Variants in CAMSAP2 observed in about 807,000 individuals in gnomAD.
CAMSAP2 encodes the protein calmodulin-regulated spectrin-associated protein 2.
In CAMSAP2, 26 loss-of-function variants were observed where a neutral mutation model predicts 146.1. The observed-to-expected ratio is 0.18, with a 90% CI of 0.13 to 0.25. The LOEUF is 0.25. Ranked by LOEUF, CAMSAP2 falls within the 10% of genes least tolerant of loss-of-function variation. The pLI, the probability that CAMSAP2 is intolerant of heterozygous loss-of-function variation, is 1.00. For synonymous variants in CAMSAP2, 499 were observed against 596.6 expected, an observed-to-expected ratio of 0.84 and a Z score of 2.38; for missense variants, 1,381 against 1,759.3, an observed-to-expected ratio of 0.78 and a Z score of 3.85.
Position 200,832,823 on chromosome 1 carries a change from T to A in CAMSAP2, c.905T>A (p.Leu302His). ...QCCHFTLEDM[L>H]YAASSIKSNY... is the part of the protein sequence containing the mutation. Reference sequence around the variant, plus strand: ...TGCCATTTCACTCTGGAAGATATGCTCTATGCTGCTTCATCCATAAAGGTA... The same window carrying A: ...TGCCATTTCACTCTGGAAGATATGCACTATGCTGCTTCATCCATAAAGGTA... The change falls in exon 6 of 17, where the codon CTC (leucine) becomes CAC (histidine). Residue 302 changes from leucine to histidine, a missense_variant. Leu to His is a moderately conservative substitution (Grantham distance 99). Transcript: ENST00000358823. The surrounding 1 kb of genome is among the most constrained non-coding windows in gnomAD (Gnocchi z 4.2). 3.8e-6 allele frequency: 6 copies of A among 1,599,918 alleles called. No individual in the cohort carries two copies. The highest frequency in any genetic ancestry group is 4.3e-6 in the Non-Finnish European group (5 of 1,174,926).
chr1:200,805,444 C>CT (rs1235316077), intron 2 of CAMSAP2, among the ~76,000 whole-genome samples: 1 of 152,204 alleles, frequency 6.6e-6, no homozygotes, highest in African/African-American at 2.4e-5. Context: ...CTACAACTGT[C>CT]TATCTAGAGA....
rs1433043744 is a variant in CAMSAP2, at chr1:200,853,096, T to G, written c.3603-179T>G. ...TTTGACTCTTCCTTCCCTCCTTTAT[T>G]TACTTATTTATGCTTAATCCCATGT... On this transcript the variant is annotated intron_variant, in intron 12 of 16. Transcript: ENST00000358823. The surrounding 1 kb of genome is among the most constrained non-coding windows in gnomAD (Gnocchi z 5.1). 1.3e-5 allele frequency among the ~76,000 whole-genome samples: 2 copies of G among 152,128 alleles called. No individual in the cohort carries two copies. The highest frequency in any genetic ancestry group is 2.9e-5 in the Non-Finnish European group (2 of 68,016).
At chr1:200,817,175 T>C (rs1258025310) in intron 4 of CAMSAP2, among the ~76,000 whole-genome samples, 2 of 63,444 alleles carry the variant, frequency 3.2e-5, no homozygotes, top group African/African-American at 2.1e-4. Flanking sequence ...CGTGTGTGTA[T>C]ATACACACAC....
chr1:200,778,106 T>C (rs1320992952), intron 2 of CAMSAP2, among the ~76,000 whole-genome samples: 1 of 152,188 alleles, frequency 6.6e-6, no homozygotes, highest in African/African-American at 2.4e-5. Flanking sequence ...AACAATTTTA[T>C]ATAGAATCTT....
chr1:200,831,293 A>T (rs1667036890), intron 4 of CAMSAP2, among the ~76,000 whole-genome samples: 1 of 152,220 alleles, frequency 6.6e-6, no homozygotes, highest in Non-Finnish European at 1.5e-5. Flanking sequence ...CAGGATGCAT[A>T]GCACTTTGTG....
chr1:200,818,215 T>C (rs749276779), intron 4 of CAMSAP2, among the ~76,000 whole-genome samples: 4 of 152,136 alleles, frequency 2.6e-5, no homozygotes, highest in Non-Finnish European at 4.4e-5. Context: ...CAAATGGGGA[T>C]TTTATATGAT....
chr1:200,836,963 T>A (rs1353189355), intron 6 of CAMSAP2, among the ~76,000 whole-genome samples: 2 of 152,218 alleles, frequency 1.3e-5, no homozygotes, highest in African/African-American at 4.8e-5. Context: ...GTAAATATGT[T>A]TAAGTCCCTT....
At chr1:200,767,117 G>A (rs1203140505) in intron 2 of CAMSAP2, among the ~76,000 whole-genome samples, 5 of 152,102 alleles carry the variant, frequency 3.3e-5, no homozygotes, top group African/African-American at 1.2e-4. Flanking sequence ...GATCACCTGA[G>A]GTCAGGAGTT....
intron 2 of CAMSAP2, among the ~76,000 whole-genome samples, chr1:200,807,168 T>C (rs1571776343): frequency 6.6e-6 from 1 of 152,162 alleles, no homozygotes. Flanking sequence ...GTATCTTAAA[T>C]ATAGATCCTC....
At chr1:200,806,459 C>T (rs945146232) in intron 2 of CAMSAP2, among the ~76,000 whole-genome samples, 4 of 152,050 alleles carry the variant, frequency 2.6e-5, no homozygotes, top group Admixed American at 2.0e-4. Context: ...AGGCTGATAA[C>T]GTTGGTGGGA....
In CAMSAP2 at chr1:200,807,556, G is replaced by T. The variant is rs1406487253; in HGVS notation, c.561+19G>T. 3 of 1,493,022 alleles carry T rather than the reference G, an allele frequency of 2.0e-6. No homozygotes were observed. The highest frequency in any genetic ancestry group is 2.8e-5 in the South Asian group (2 of 72,512). 92.5% of individuals were successfully genotyped at this position (1,493,022 alleles called of 1,614,324 possible). On this transcript the variant is annotated intron_variant, in intron 3 of 16. Coordinates refer to ENST00000358823, the MANE Select transcript of CAMSAP2 (RefSeq NM_203459.4). ...AAATAAGGTAGGATTATACTCACTT[G>T]AGTAAATCGCATCTCATAGCCAGAA...
chr1:200,828,712 G>A (rs945052429), intron 4 of CAMSAP2: 39 of 1,046,668 alleles, frequency 3.7e-5, no homozygotes, highest in Non-Finnish European at 5.0e-5. Flanking sequence ...GTTAGTCATT[G>A]AATAGAGATT....
At position 200,831,358 on chromosome 1, in the gene CAMSAP2, G is replaced by T. The variant is rs6697430; in HGVS notation, c.646-842G>T. Among the ~76,000 whole-genome samples the T allele has an allele frequency of 3.8e-3, 584 of 152,090 alleles. 2 individuals are homozygous for T. The highest frequency in any genetic ancestry group is 0.02 in the Middle Eastern group (6 of 294). On this transcript the variant is annotated intron_variant, in intron 4 of 16. Coordinates refer to ENST00000358823, the MANE Select transcript of CAMSAP2 (RefSeq NM_203459.4). ...TCTATGAAGTGGGTACTATTATTACGCCAGTTTACAGATGGGAAAATGAGA... is the reference window on the plus strand; with the variant it reads ...TCTATGAAGTGGGTACTATTATTACTCCAGTTTACAGATGGGAAAATGAGA...
At chr1:200,776,723 T>TA (rs1201579735) in intron 2 of CAMSAP2, among the ~76,000 whole-genome samples, 2 of 151,658 alleles carry the variant, frequency 1.3e-5, no homozygotes, top group Admixed American at 6.6e-5. Context: ...GACTCCGTCT[T>TA]AAAAAAACAA....
intron 4 of CAMSAP2, among the ~76,000 whole-genome samples, chr1:200,817,221 T>TAA (rs1491528111): frequency 0.096 from 7,719 of 80,042 alleles, 371 homozygotes; most frequent in Non-Finnish European, 0.11. Flanking sequence ...TACACACATA[T>TAA]GTGTGTGTAT....
intron 6 of CAMSAP2, 41 bp from the exon 7 acceptor site, chr1:200,841,953 G>GT (rs1667333710): frequency 2.2e-6 from 3 of 1,375,994 alleles, no homozygotes; most frequent in Non-Finnish European, 3.1e-6. Context: ...TTATCATGAA[G>GT]TTTTACCTAA....
At chr1:200,766,565 C>T (rs1664958188) in intron 2 of CAMSAP2, among the ~76,000 whole-genome samples, 1 of 152,138 alleles carries the variant, frequency 6.6e-6, no homozygotes, top group South Asian at 2.1e-4. Context: ...GAAACTGAGG[C>T]TTTGAGAATA....
Position 200,739,568 on chromosome 1 carries a change from C to T in CAMSAP2, c.-260C>T, listed in dbSNP as rs942681948. 3 of 195,262 alleles carry T rather than the reference C, an allele frequency of 1.5e-5. No homozygotes were observed. Among genetic ancestry groups the T allele is most frequent in the African/African-American group, 2.4e-5 (1 of 42,396 alleles). 12.1% of individuals were successfully genotyped at this position (195,262 alleles called of 1,614,324 possible). A position where few individuals can be genotyped will look rare whatever the true frequency, so the allele number is the denominator to read the frequency against. ...CGGAGGGGCGCGGGCACGGGGCGGA[C>T]CTCGCGCGGACGGACGGACGGAGAC... is the stretch of plus-strand genomic sequence containing the variant. On this transcript the variant is annotated 5_prime_UTR_variant, in exon 1 of 17. Coordinates refer to ENST00000358823, the MANE Select transcript of CAMSAP2 (RefSeq NM_203459.4). The surrounding 1 kb of genome is among the most constrained non-coding windows in gnomAD (Gnocchi z 4.8).
chr1:200,807,949 C>CA (rs1287984833), intron 3 of CAMSAP2, among the ~76,000 whole-genome samples: 1 of 152,006 alleles, frequency 6.6e-6, no homozygotes, highest in African/African-American at 2.4e-5. Flanking sequence ...CCATGTTGGC[C>CA]AGGCTGGTCT....
Sources: allele counts gnomAD v4.1 joint callset (sites outside exome capture counted in the v4.1 genomes callset), GRCh38; gene constraint gnomAD v4.1.1; non-coding constraint Gnocchi (gnomAD v3.1); transcripts MANE v1.5; gene names NCBI Gene and HGNC (gene_info 2026-07-23, HGNC 2026-07-21).